Variants in WWOX observed in about 807,000 individuals in gnomAD.
WWOX encodes the protein WW domain containing oxidoreductase, also known as WW domain-containing oxidoreductase.
WWOX carries 69 observed loss-of-function variants against 46.2 expected under a neutral mutation model. The ratio of observed to expected loss-of-function variants is 1.49; its 90% CI spans 1.23 to 1.82. WWOX has a LOEUF of 1.82. Ranked by LOEUF, WWOX falls within the 40% of genes most tolerant of loss-of-function variation. The pLI is 0.00. For missense variants in WWOX, 919 were observed against 542.6 expected (o/e 1.69, Z -6.89); for synonymous variants, 359 against 202.6 (o/e 1.77, Z -6.56).
chr16:78,617,693 C>G (rs2046061857), intron 8 of WWOX, among the ~76,000 whole-genome samples: 1 of 152,158 alleles, frequency 6.6e-6, no homozygotes, highest in African/African-American at 2.4e-5. Flanking sequence ...GTGGGCCCCG[C>G]TGCATTCTTC....
chr16:78,246,556 A>T (rs1334213024), intron 5 of WWOX, among the ~76,000 whole-genome samples: 1 of 152,234 alleles, frequency 6.6e-6, no homozygotes, highest in Non-Finnish European at 1.5e-5. Flanking sequence ...ACTGCTGTTC[A>T]TGTATAGCTG....
Position 78,194,068 on chromosome 16 carries a change from C to T in WWOX, c.516+29779C>T, listed in dbSNP as rs540710900. 4.1e-5 allele frequency among the ~76,000 whole-genome samples: 6 copies of T among 145,670 alleles called. No homozygotes were observed. In the South Asian group the frequency reaches 6.5e-4, roughly 16 times the overall value. On this transcript the variant is annotated intron_variant, in intron 5 of 8. Coordinates refer to ENST00000566780, the MANE Select transcript of WWOX (RefSeq NM_016373.4). ...AATTTTTTTGTATTTTTGGTAGAGA[C>T]GGGGTTTCACTGAAGTAGCCGGGAT...
intron 8 of WWOX, among the ~76,000 whole-genome samples, chr16:78,499,210 G>A (rs1000801875): frequency 1.3e-5 from 2 of 152,068 alleles, no homozygotes; most frequent in Non-Finnish European, 2.9e-5. Context: ...CCCTAGCTCA[G>A]TGAGATGGCT....
At chr16:78,715,485 T>C (rs2048540651) in intron 8 of WWOX, among the ~76,000 whole-genome samples, 1 of 146,360 alleles carries the variant, frequency 6.8e-6, no homozygotes, top group Non-Finnish European at 1.5e-5. Flanking sequence ...ACCCACCGTT[T>C]TTTGTTTTTG....
intron 5 of WWOX, among the ~76,000 whole-genome samples, chr16:78,378,287 G>T (rs1470458198): frequency 6.6e-6 from 1 of 152,038 alleles, no homozygotes; most frequent in African/African-American, 2.4e-5. Context: ...CCTTTCCTGC[G>T]AATCCTATCA....
At chr16:78,126,056 T>C (rs1248268900) in intron 4 of WWOX, among the ~76,000 whole-genome samples, 1 of 152,222 alleles carries the variant, frequency 6.6e-6, no homozygotes, top group Non-Finnish European at 1.5e-5. Flanking sequence ...TCGTGATTTT[T>C]CTATTTAAAT....
At chr16:78,624,710 A>G (rs1245168721) in intron 8 of WWOX, among the ~76,000 whole-genome samples, 3 of 152,212 alleles carry the variant, frequency 2.0e-5, no homozygotes, top group East Asian at 1.9e-4. Context: ...CCTTTCATGA[A>G]CATAATATGT....
At chr16:78,531,966 TTAAAG>T (rs559471936) in intron 8 of WWOX, among the ~76,000 whole-genome samples, 82 of 152,304 alleles carry the variant, frequency 5.4e-4, no homozygotes, top group Middle Eastern at 3.4e-3. Context: ...TGGGAAATTT[TTAAAG>T]TAAAGTAATA....
At chr16:79,033,882 C>A (rs2047814731) in intron 8 of WWOX, among the ~76,000 whole-genome samples, 1 of 152,216 alleles carries the variant, frequency 6.6e-6, no homozygotes, top group African/African-American at 2.4e-5. Flanking sequence ...GGAGTTAGGA[C>A]TGTCTGTCGC....
intron 1 of WWOX, among the ~76,000 whole-genome samples, chr16:78,103,550 C>G (rs1255982973): frequency 1.3e-5 from 2 of 152,082 alleles, no homozygotes; most frequent in Non-Finnish European, 2.9e-5. Flanking sequence ...CTTAGGATGC[C>G]TCTGATCCAT....
Position 78,246,679 on chromosome 16 carries a change from C to T in WWOX, c.516+82390C>T, listed in dbSNP as rs181372974. 1.9e-3 allele frequency among the ~76,000 whole-genome samples: 294 copies of T among 152,244 alleles called. 1 individual carries two copies. The highest frequency in any genetic ancestry group is 0.017 in the Middle Eastern group (5 of 294). ...GGAAAAGGCTTTGCTTTTAAATGCC[C>T]GTGTTGATTTCTTAATATTTTCAAC... On this transcript the variant is annotated intron_variant, in intron 5 of 8. Transcript: ENST00000566780.
chr16:78,255,420 A>G (rs2038101115), intron 5 of WWOX, among the ~76,000 whole-genome samples: 1 of 152,256 alleles, frequency 6.6e-6, no homozygotes, highest in Non-Finnish European at 1.5e-5. Flanking sequence ...ATTCCGCTGG[A>G]TAAATTAGCG....
rs144553944 is a variant in WWOX, at chr16:78,161,105, T to A, written c.410-3078T>A. Among the ~76,000 whole-genome samples the A allele has an allele frequency of 3.2e-3, 491 of 152,342 alleles. 6 individuals are homozygous for A. Among genetic ancestry groups the A allele is most frequent in the African/African-American group, 0.011 (458 of 41,586 alleles). ...TAGTACAGCTATATCAGATTTCTTT[T>A]GGCCCGTGTTATACAGTATACCTTT... On this transcript the variant is annotated intron_variant, in intron 4 of 8. Coordinates refer to ENST00000566780, the MANE Select transcript of WWOX (RefSeq NM_016373.4).
chr16:78,804,629 A>G (rs565936135), intron 8 of WWOX, among the ~76,000 whole-genome samples: 32 of 152,362 alleles, frequency 2.1e-4, no homozygotes, highest in Admixed American at 3.9e-4. Context: ...ATGTCAAGCA[A>G]TGAGCCTTTG....
chr16:78,929,699 T>C (rs1054163009), intron 8 of WWOX, among the ~76,000 whole-genome samples: 5 of 152,098 alleles, frequency 3.3e-5, no homozygotes, highest in African/African-American at 1.2e-4. Context: ...TCAGGAAAGA[T>C]TTCAGGAAGA....
intron 8 of WWOX, among the ~76,000 whole-genome samples, chr16:78,786,272 C>G (rs963669156): frequency 6.6e-6 from 1 of 152,152 alleles, no homozygotes; most frequent in Non-Finnish European, 1.5e-5. Context: ...ATAAATGACA[C>G]CTGGATTTGT....
intron 8 of WWOX, among the ~76,000 whole-genome samples, chr16:78,632,165 C>T (rs2046448021): frequency 6.6e-6 from 1 of 152,188 alleles, no homozygotes; most frequent in African/African-American, 2.4e-5. Context: ...AATTCCAGTT[C>T]TCTCATATTA....
At chr16:79,163,884 G>GGAAAA (rs1555537750) in intron 8 of WWOX, among the ~76,000 whole-genome samples, 4 of 136,450 alleles carry the variant, frequency 2.9e-5, no homozygotes, top group African/African-American at 1.1e-4. Flanking sequence ...AAGAGAATTG[G>GGAAAA]AAAAAAAAAA....
At chr16:78,724,738 C>T (rs1173077939) in intron 8 of WWOX, among the ~76,000 whole-genome samples, 5 of 152,120 alleles carry the variant, frequency 3.3e-5, no homozygotes, top group Admixed American at 2.0e-4. Context: ...AAATATTAAC[C>T]ATCTCCTGAA....
Sources: allele counts gnomAD v4.1 joint callset (sites outside exome capture counted in the v4.1 genomes callset), GRCh38; gene constraint gnomAD v4.1.1; transcripts MANE v1.5; gene names NCBI Gene and HGNC (gene_info 2026-07-23, HGNC 2026-07-21).